The following MCHR2 variants were observed in gnomAD, a reference collection of about 807,000 sequenced individuals.
The protein encoded by MCHR2 is melanin concentrating hormone receptor 2, also known as melanin-concentrating hormone receptor 2.
MCHR2 carries 15 observed loss-of-function variants against 24.8 expected under a neutral mutation model. The ratio of observed to expected loss-of-function variants is 0.60; its 90% confidence interval spans 0.40 to 0.93. The LOEUF is 0.93. Ranked by LOEUF, MCHR2 falls within the 40% of genes least tolerant of loss-of-function variation. MCHR2 has a pLI of 0.00. For missense variants in MCHR2, 386 were observed against 408.7 expected, an observed-to-expected ratio of 0.94 and a Z score of 0.48; for synonymous variants, 151 against 147.6, an observed-to-expected ratio of 1.02 and a Z score of -0.17.
chr6:99,930,659 G>A (rs1186416943), intron 5 of MCHR2, among the ~76,000 whole-genome samples: 2 of 152,004 alleles, frequency 1.3e-5, no homozygotes, highest in East Asian at 1.9e-4. Flanking sequence ...CATTCTTCAC[G>A]TAGTTTTTGA....
At chr6:99,955,409 T>G (rs1708043119) in intron 2 of MCHR2, among the ~76,000 whole-genome samples, 1 of 152,120 alleles carries the variant, frequency 6.6e-6, no homozygotes, top group African/African-American at 2.4e-5. Context: ...TTGGTTTATA[T>G]AGGCTGGTCT....
At chr6:99,986,470 C>A (rs1233181874) in intron 1 of MCHR2, among the ~76,000 whole-genome samples, 1 of 152,142 alleles carries the variant, frequency 6.6e-6, no homozygotes, top group Non-Finnish European at 1.5e-5. Flanking sequence ...TATATGTATA[C>A]TATGGAATCC....
chr6:99,953,479 C>T (rs1453469311), intron 2 of MCHR2, among the ~76,000 whole-genome samples: 1 of 152,084 alleles, frequency 6.6e-6, no homozygotes, highest in Non-Finnish European at 1.5e-5. Context: ...AAGTCTGTGG[C>T]TATTAACTCT....
intron 1 of MCHR2, among the ~76,000 whole-genome samples, chr6:99,958,465 G>A (rs957248033): frequency 6.6e-6 from 1 of 151,802 alleles, no homozygotes; most frequent in Non-Finnish European, 1.5e-5. Flanking sequence ...AGTATCTTTA[G>A]GTCCTTGGAG....
At chr6:99,949,991 T>C (rs575820732) in intron 2 of MCHR2, among the ~76,000 whole-genome samples, 2 of 152,164 alleles carry the variant, frequency 1.3e-5, no homozygotes, top group Non-Finnish European at 1.5e-5. Context: ...ATATAAACCA[T>C]AAGCAGTTGC....
intron 5 of MCHR2, among the ~76,000 whole-genome samples, chr6:99,932,987 C>A (rs757317470): frequency 2.0e-5 from 3 of 152,118 alleles, no homozygotes; most frequent in Non-Finnish European, 4.4e-5. Context: ...ACCCTCTGTA[C>A]TGTCTCTGTA....
At chr6:99,929,775 A>G (rs9399345) in intron 5 of MCHR2, among the ~76,000 whole-genome samples, 43,431 of 147,384 alleles carry the variant, frequency 0.29, 7,141 homozygotes, top group Admixed American at 0.4. Context: ...ACACTGATGC[A>G]TCTTGACTCT....
At chr6:99,976,687 C>T (rs1775559062) in intron 1 of MCHR2, among the ~76,000 whole-genome samples, 2 of 152,200 alleles carry the variant, frequency 1.3e-5, no homozygotes, top group African/African-American at 4.8e-5. Context: ...CCCACCTGGA[C>T]CTCTAGGCAT....
At chr6:99,983,514 A>G (rs568872459) in intron 1 of MCHR2, among the ~76,000 whole-genome samples, 39 of 152,326 alleles carry the variant, frequency 2.6e-4, no homozygotes, top group African/African-American at 8.4e-4. Context: ...TTGTTCCCCA[A>G]AAAAGAATTT....
intron 4 of MCHR2, among the ~76,000 whole-genome samples, chr6:99,940,306 T>C (rs1175700440): frequency 6.6e-6 from 1 of 152,120 alleles, no homozygotes. Context: ...CTGTGTATTT[T>C]CAAATAGCCT....
intron 1 of MCHR2, among the ~76,000 whole-genome samples, chr6:99,964,446 AT>A (rs144110507): frequency 0.031 from 4,716 of 152,254 alleles, 98 homozygotes; most frequent in Middle Eastern, 0.061. Flanking sequence ...ACAATTCTGC[AT>A]TGCTGGGGAA....
chr6:99,938,260 T>C (rs1325435599), intron 4 of MCHR2, among the ~76,000 whole-genome samples: 1 of 151,996 alleles, frequency 6.6e-6, no homozygotes, highest in Non-Finnish European at 1.5e-5. Flanking sequence ...GTTTGTTGCC[T>C]TTCTAATTCT....
chr6:99,973,252 T>C (rs1403128696), intron 1 of MCHR2, among the ~76,000 whole-genome samples: 5 of 151,870 alleles, frequency 3.3e-5, no homozygotes, highest in Admixed American at 3.3e-4. Context: ...TGCTCCTGTA[T>C]TGGGTGCATA....
chr6:99,991,441 G>A (rs958003908), intron 1 of MCHR2, among the ~76,000 whole-genome samples: 1 of 152,184 alleles, frequency 6.6e-6, no homozygotes, highest in African/African-American at 2.4e-5. Flanking sequence ...CAACCTGTCT[G>A]AGCCTCAGTT....
chr6:99,920,411 T>A lies in MCHR2; in HGVS notation c.*529A>T, dbSNP rs1305658587. On this transcript the variant is annotated 3_prime_UTR_variant, in exon 6 of 6. Transcript: ENST00000281806. ...GTTTGTTACATGTAATCTTACACAT[T>A]GCATGTGTGCAATAAATGGTAACTT... is the stretch of plus-strand genomic sequence containing the variant. 6.4e-6 allele frequency: 1 copy of A among 155,078 alleles called. No individual in the cohort carries two copies. The highest frequency in any genetic ancestry group is 1.4e-5 in the Non-Finnish European group (1 of 69,744). The allele number at this position is 155,078 out of a possible 1,614,324, so 9.6% of individuals were successfully genotyped here.
At chr6:99,966,934 G>A (rs1217366122) in intron 1 of MCHR2, among the ~76,000 whole-genome samples, 4 of 152,100 alleles carry the variant, frequency 2.6e-5, no homozygotes, top group African/African-American at 9.6e-5. Flanking sequence ...AAACTCCTTT[G>A]CAAAAGCCCC....
At chr6:99,982,575 G>C (rs1314759539) in intron 1 of MCHR2, among the ~76,000 whole-genome samples, 1 of 151,590 alleles carries the variant, frequency 6.6e-6, no homozygotes, top group Non-Finnish European at 1.5e-5. Flanking sequence ...GGAGGTGGAG[G>C]TTGCAGTGAG....
Position 99,918,608 on chromosome 6 carries a change from T to C in MCHR2, c.*2332A>G, listed in dbSNP as rs1021349429. ...GAATAGAATAAGGATACGATTATTATTTGACTGAGTGACAAATACCCAAGT... is the reference window on the plus strand; with the variant it reads ...GAATAGAATAAGGATACGATTATTACTTGACTGAGTGACAAATACCCAAGT... On this transcript the variant is annotated 3_prime_UTR_variant, in exon 6 of 6. Transcript: ENST00000281806. 6.6e-6 allele frequency among the ~76,000 whole-genome samples: 1 copy of C among 152,210 alleles called. No homozygotes were observed. The highest frequency in any genetic ancestry group is 1.9e-4 in the East Asian group (1 of 5,206).
chr6:99,975,277 G>A (rs918523384), intron 1 of MCHR2, among the ~76,000 whole-genome samples: 3 of 152,142 alleles, frequency 2.0e-5, no homozygotes, highest in Admixed American at 6.6e-5. Context: ...GTAATGGCAG[G>A]TGCCCTTCCC....
Sources: allele counts gnomAD v4.1 joint callset (sites outside exome capture counted in the v4.1 genomes callset), GRCh38; gene constraint gnomAD v4.1.1; transcripts MANE v1.5; gene names NCBI Gene and HGNC (gene_info 2026-07-23, HGNC 2026-07-21).